Variants in KCNQ5 observed in about 807,000 individuals in gnomAD.
KCNQ5 encodes the protein potassium voltage-gated channel subfamily KQT member 5.
Under a neutral mutation model 98.2 loss-of-function variants are expected in KCNQ5, and 30 were observed. The ratio of observed to expected loss-of-function variants is 0.31; its 90% CI spans 0.23 to 0.41. The LOEUF (loss-of-function observed/expected upper bound fraction) is 0.41. Ranked by LOEUF, KCNQ5 falls within the 10% of genes least tolerant of loss-of-function variation. KCNQ5 has a pLI of 1.00. For synonymous variants in KCNQ5, 458 were observed against 449.4 expected (o/e 1.02, Z -0.24); for missense variants, 835 against 1,182.5 (o/e 0.71, Z 4.31).
At chr6:72,871,891 G>A (rs147519911) in intron 1 of KCNQ5, among the ~76,000 whole-genome samples, 18 of 152,188 alleles carry the variant, frequency 1.2e-4, no homozygotes, top group African/African-American at 2.2e-4. Context: ...CAGACAGATC[G>A]TTGAAAAGAT....
At chr6:72,987,467 A>T in intron 1 of KCNQ5, 1 of 672,890 alleles carries the variant, frequency 1.5e-6, no homozygotes, top group South Asian at 1.4e-5. Flanking sequence ...AGGAACAGAA[A>T]CTGAAGTTTC....
At chr6:72,919,809 T>C (rs1203510603) in intron 1 of KCNQ5, among the ~76,000 whole-genome samples, 1 of 152,186 alleles carries the variant, frequency 6.6e-6, no homozygotes, top group Non-Finnish European at 1.5e-5. Context: ...AATCATGTCA[T>C]TTGTCTCTGA....
intron 6 of KCNQ5, among the ~76,000 whole-genome samples, chr6:73,107,570 G>A (rs1318933473): frequency 2.0e-5 from 3 of 152,050 alleles, no homozygotes; most frequent in Non-Finnish European, 1.5e-5. Context: ...TTAGTGTTAG[G>A]GTCAACAAAC....
At chr6:72,760,705 G>T (rs1260763098) in intron 1 of KCNQ5, among the ~76,000 whole-genome samples, 1 of 152,044 alleles carries the variant, frequency 6.6e-6, no homozygotes, top group Non-Finnish European at 1.5e-5. Flanking sequence ...TTGGTTAAAA[G>T]ACTTCTACCC....
chr6:73,003,005 A>G (rs1769654823), intron 1 of KCNQ5, among the ~76,000 whole-genome samples: 1 of 152,186 alleles, frequency 6.6e-6, no homozygotes, highest in African/African-American at 2.4e-5. Context: ...AGCTTACTAT[A>G]TGAATTTCCC....
intron 1 of KCNQ5, among the ~76,000 whole-genome samples, chr6:72,998,028 G>A (rs1039357219): frequency 3.6e-4 from 54 of 152,094 alleles, no homozygotes; most frequent in African/African-American, 1.3e-3. Flanking sequence ...CTTCTCTTAT[G>A]GAAACATTAT....
chr6:73,068,089 A>G (rs961056968), intron 3 of KCNQ5, among the ~76,000 whole-genome samples: 8 of 152,154 alleles, frequency 5.3e-5, no homozygotes, highest in Admixed American at 6.5e-5. Flanking sequence ...TGAGGTCAGG[A>G]GTTCGATACC....
intron 1 of KCNQ5, among the ~76,000 whole-genome samples, chr6:72,994,203 CG>C (rs1769165622): frequency 1.2e-5 from 1 of 85,888 alleles, no homozygotes; most frequent in East Asian, 3.0e-4. Context: ...TCGAGCTGCC[CG>C]GCTGCTTTGT....
chr6:72,804,291 C>T (rs1412401754), intron 1 of KCNQ5, among the ~76,000 whole-genome samples: 2 of 151,782 alleles, frequency 1.3e-5, no homozygotes, highest in Non-Finnish European at 2.9e-5. Flanking sequence ...ATGTTTGTAC[C>T]CATTAACCAT....
chr6:73,170,804 G>C (rs908556857), intron 11 of KCNQ5, among the ~76,000 whole-genome samples: 3 of 151,720 alleles, frequency 2.0e-5, no homozygotes, highest in African/African-American at 7.3e-5. Flanking sequence ...TGTGGTGGCG[G>C]GCACCTGTAA....
chr6:72,983,748 G>A (rs1768594461), intron 1 of KCNQ5, among the ~76,000 whole-genome samples: 2 of 151,530 alleles, frequency 1.3e-5, no homozygotes, highest in African/African-American at 4.8e-5. Context: ...TGGAGGAGAA[G>A]AGGCACTCTG....
chr6:72,950,775 T>G (rs893547856), intron 1 of KCNQ5, among the ~76,000 whole-genome samples: 4 of 152,156 alleles, frequency 2.6e-5, no homozygotes, highest in Non-Finnish European at 5.9e-5. Context: ...TAAGAATATG[T>G]TTTCATAACT....
At chr6:73,157,850 T>A (rs1429299674) in intron 10 of KCNQ5, 3 of 779,398 alleles carry the variant, frequency 3.8e-6, no homozygotes, top group Non-Finnish European at 7.2e-6. Flanking sequence ...AGCCTCATGA[T>A]CTGTGGGTTT....
At chr6:72,861,232 G>A (rs909852434) in intron 1 of KCNQ5, among the ~76,000 whole-genome samples, 15 of 152,098 alleles carry the variant, frequency 9.9e-5, no homozygotes, top group Middle Eastern at 3.2e-3. Flanking sequence ...AATGACTCAA[G>A]AAGAAAACAG....
chr6:72,708,878 G>A (rs1008349223), intron 1 of KCNQ5, among the ~76,000 whole-genome samples: 3 of 152,034 alleles, frequency 2.0e-5, no homozygotes, highest in Admixed American at 6.6e-5. Context: ...ATGGCAATAG[G>A]TGTAACTACT....
At chr6:72,766,926 C>G (rs2154477259) in intron 1 of KCNQ5, among the ~76,000 whole-genome samples, 1 of 151,742 alleles carries the variant, frequency 6.6e-6, no homozygotes, top group South Asian at 2.1e-4. Flanking sequence ...GGTATTTAAG[C>G]TATGTAACTA....
intron 1 of KCNQ5, among the ~76,000 whole-genome samples, chr6:72,990,610 C>T (rs1456742409): frequency 7.7e-6 from 1 of 130,012 alleles, no homozygotes; most frequent in African/African-American, 3.0e-5. Context: ...CAAACAGGGA[C>T]AATTTGACTT....
intron 10 of KCNQ5, chr6:73,133,926 G>T (rs369423043): frequency 1.8e-6 from 1 of 548,352 alleles, no homozygotes; most frequent in Admixed American, 2.2e-5. Flanking sequence ...CTCAGACAAG[G>T]GCCACATTAA....
chr6:73,116,552 C>A (rs958172916), intron 7 of KCNQ5, among the ~76,000 whole-genome samples: 41 of 152,098 alleles, frequency 2.7e-4, no homozygotes, highest in Admixed American at 2.6e-3. Flanking sequence ...GTAGTCCTCA[C>A]ACACCTGTAG....
Sources: gnomAD v4.1 joint callset for allele counts (sites outside exome capture counted in the v4.1 genomes callset) on GRCh38, gnomAD v4.1.1 for gene constraint, MANE v1.5 for transcripts, NCBI Gene and HGNC (gene_info 2026-07-23, HGNC 2026-07-21) for gene names.